ZNF140: variants seen among roughly 807,000 people sequenced by gnomAD.
ZNF140 encodes the protein zinc finger protein 140.
Under a neutral mutation model 12.9 loss-of-function variants are expected in ZNF140, and 13 were observed. That is an observed-to-expected ratio of 1.01 (90% CI 0.66 to 1.60). ZNF140 has a LOEUF of 1.60. Among genes scored for constraint, ZNF140 ranks in the 40% most tolerant of loss-of-function variants. The pLI is 0.00. For missense variants in ZNF140, 531 were observed against 548.8 expected (o/e 0.97, Z 0.32); for synonymous variants, 214 against 186.7 (o/e 1.15, Z -1.19).
chr12:133,097,732 C>T (rs1007323640), intron 4 of ZNF140, among the ~76,000 whole-genome samples: 1 of 151,974 alleles, frequency 6.6e-6, no homozygotes, highest in Non-Finnish European at 1.5e-5. Context: ...TAGCTCACTG[C>T]TGTCTCAAAT....
intron 4 of ZNF140, among the ~76,000 whole-genome samples, chr12:133,086,574 C>T (rs1229304816): frequency 1.1e-4 from 16 of 152,138 alleles, no homozygotes; most frequent in Non-Finnish European, 2.1e-4. Flanking sequence ...GTATGTACTT[C>T]AAAATCTTTC....
intron 4 of ZNF140, among the ~76,000 whole-genome samples, chr12:133,101,986 C>T (rs1955365927): frequency 6.6e-6 from 1 of 151,364 alleles, no homozygotes; most frequent in African/African-American, 2.4e-5. Flanking sequence ...TTTAGTATAC[C>T]TCATAATTTT....
chr12:133,105,007 A>AT (rs1180639531), intron 4 of ZNF140, among the ~76,000 whole-genome samples: 1 of 152,190 alleles, frequency 6.6e-6, no homozygotes, highest in African/African-American at 2.4e-5. Flanking sequence ...TATGAGCTTC[A>AT]TACTAGTTCA....
chr12:133,102,530 A>G (rs1467109815), intron 4 of ZNF140, among the ~76,000 whole-genome samples: 2 of 152,114 alleles, frequency 1.3e-5, no homozygotes, highest in South Asian at 2.1e-4. Context: ...GTTTGAGACC[A>G]TCCTGGGCAA....
intron 4 of ZNF140, among the ~76,000 whole-genome samples, chr12:133,097,819 ATGTG>A (rs71079166): frequency 0.094 from 13,508 of 143,172 alleles, 1,168 homozygotes; most frequent in African/African-American, 0.24. Context: ...ACATCTAACC[ATGTG>A]TGTGTGTGTG....
rs58610589 is a variant in ZNF140 at position 133,100,160 on chromosome 12, G to GTTTTTT, written c.233-5328_233-5323dup. Among the ~76,000 whole-genome samples the GTTTTTT allele has an allele frequency of 2.5e-3, 152 of 60,978 alleles. 17 individuals carry two copies. Among genetic ancestry groups the GTTTTTT allele is most frequent in the African/African-American group, 5.4e-3 (68 of 12,638 alleles). 40.0% of individuals were successfully genotyped at this position (60,978 alleles called of 152,430 possible). A position where few individuals can be genotyped will look rare whatever the true frequency, so the allele number is the denominator to read the frequency against. On this transcript the variant is annotated intron_variant, in intron 4 of 4. Transcript: ENST00000355557. ...CATCCAAAAATTTAATGCCTTTTCC[G>GTTTTTT]TTTTTTTTTTTTTTTTTTTTTTTTT...
Position 133,105,703 on chromosome 12 carries a change from C to T in ZNF140, c.426C>T (p.Val142=). ...ENQGCIRKVT[V]SHQEALAQHM... ...AGGGATGTATTAGGAAAGTAACAGT[C>T]TCTCATCAAGAAGCCCTGGCTCAAC... Residue 142 remains valine (V), a synonymous_variant, in exon 5 of 5, where the codon GTC becomes GTT. Transcript: ENST00000355557. 6.2e-7 allele frequency: 1 copy of T among 1,614,146 alleles called. No individual in the cohort carries two copies. The highest frequency in any genetic ancestry group is 8.5e-7 in the Non-Finnish European group (1 of 1,180,038).
chr12:133,081,487 G>A (rs1449206017), intron 2 of ZNF140, 158 bp downstream of exon 2: 2 of 458,886 alleles, frequency 4.4e-6, no homozygotes, highest in South Asian at 3.1e-5. Context: ...CAACCCACTT[G>A]GCCTGTTTCC....
At chr12:133,083,260 A>T (rs1954563775) in intron 3 of ZNF140, 31 bp downstream of exon 3, 3 of 1,597,712 alleles carry the variant, frequency 1.9e-6, no homozygotes, top group African/African-American at 2.7e-5. Flanking sequence ...CCCTCAAGGC[A>T]AAATTTGACC....
Position 133,081,069 on chromosome 12 carries a change from T to G in ZNF140, c.-52T>G. ...GAAACGCATCCTTCTGTGGCCACTG[T>G]TAGGTGAGGGGGTTCTGGGGAGGCG... is the stretch of plus-strand genomic sequence containing the variant. On this transcript the variant is annotated 5_prime_UTR_variant, in exon 1 of 5. Coordinates refer to ENST00000355557, the MANE Select transcript of ZNF140 (RefSeq NM_003440.4). The G allele has an allele frequency of 4.4e-6, 1 of 229,774 alleles. No individual in the cohort carries two copies. Among genetic ancestry groups the G allele is most frequent in the Non-Finnish European group, 9.0e-6 (1 of 110,956 alleles). 14.2% of individuals were successfully genotyped at this position (229,774 alleles called of 1,614,324 possible).
At chr12:133,093,101 G>A (rs1448416888) in intron 4 of ZNF140, among the ~76,000 whole-genome samples, 2 of 151,126 alleles carry the variant, frequency 1.3e-5, no homozygotes, top group Non-Finnish European at 2.9e-5. Flanking sequence ...TAAGCATCCT[G>A]GTGCTTTTTC....
chr12:133,084,032 A>T, intron 4 of ZNF140: 2 of 332,896 alleles, frequency 6.0e-6, no homozygotes, highest in Non-Finnish European at 1.1e-5. Context: ...ACTACTTCAT[A>T]CCCAATTCTG....
At chr12:133,091,036 G>A (rs1954856549) in intron 4 of ZNF140, among the ~76,000 whole-genome samples, 1 of 148,804 alleles carries the variant, frequency 6.7e-6, no homozygotes, top group Non-Finnish European at 1.5e-5. Flanking sequence ...GGGGCAGACA[G>A]GAGACAGTGG....
At chr12:133,100,319 C>T (rs1955300834) in intron 4 of ZNF140, among the ~76,000 whole-genome samples, 1 of 151,812 alleles carries the variant, frequency 6.6e-6, no homozygotes, top group Admixed American at 6.6e-5. Flanking sequence ...AGGTGCATAC[C>T]ACCACACTTG....
Position 133,106,222 on chromosome 12 carries a change from C to CCTTA in ZNF140, c.948_951dup (p.Arg318TyrfsTer14). 4 of 1,614,210 alleles carry CCTTA rather than the reference C, an allele frequency of 2.5e-6. No individual in the cohort carries two copies. Among genetic ancestry groups the CCTTA allele is most frequent in the Non-Finnish European group, 3.4e-6 (4 of 1,180,030 alleles). On this transcript the variant is annotated frameshift_variant, in exon 5 of 5. Coordinates refer to ENST00000355557, the MANE Select transcript of ZNF140 (RefSeq NM_003440.4). LOFTEE classifies it low-confidence loss of function (END_TRUNC). ...GGAAGGCATTTCGCCGTTTCTCACA[C>CCTTA]CTTACTCGACATCAGAGCATCCATA...
At chr12:133,081,824 T>A (rs1954514842) in intron 2 of ZNF140, 1 of 240,544 alleles carries the variant, frequency 4.2e-6, no homozygotes, top group Non-Finnish European at 8.5e-6. Context: ...ACTGAACCTC[T>A]ACTTTCAGTG....
intron 4 of ZNF140, among the ~76,000 whole-genome samples, chr12:133,097,818 CATGTGTGTGT>C (rs1364104939): frequency 2.8e-5 from 3 of 106,498 alleles, no homozygotes; most frequent in African/African-American, 7.7e-5. Context: ...CACATCTAAC[CATGTGTGTGT>C]GTGTGTGTGT....
intron 4 of ZNF140, chr12:133,084,089 C>T (rs1044364903): frequency 2.4e-6 from 1 of 410,814 alleles, no homozygotes; most frequent in Non-Finnish European, 4.7e-6. Context: ...CAGTTCTCAC[C>T]TTATACTTTC....
Position 133,106,292 on chromosome 12 carries a change from C to A in ZNF140, c.1015C>A (p.Arg339Ser). 2 of 1,614,124 alleles carry A rather than the reference C, an allele frequency of 1.2e-6. No homozygotes were observed. Among genetic ancestry groups the A allele is most frequent in the Non-Finnish European group, 1.7e-6 (2 of 1,180,012 alleles). The change falls in exon 5 of 5, where the codon CGT becomes AGT. Residue 339 changes from arginine (R) to serine (S), a missense_variant. By Grantham distance (110) the Arg-to-Ser change is moderately radical (BLOSUM62 -1). Transcript: ENST00000355557. ...ATGTAATGAATGTAGGAAAGCTTTC[C>A]GTTGTCACTCATTCCTTATTAAACA... ...YECNECRKAF[R>S]CHSFLIKHQR...
Sources: gnomAD v4.1 joint callset for allele counts (sites outside exome capture counted in the v4.1 genomes callset) on GRCh38, gnomAD v4.1.1 for gene constraint, MANE v1.5 for transcripts, NCBI Gene and HGNC (gene_info 2026-07-23, HGNC 2026-07-21) for gene names.